The following ZSWIM5 variants were observed in gnomAD, a reference collection of about 807,000 sequenced individuals.
ZSWIM5 encodes zinc finger SWIM domain-containing protein 5.
ZSWIM5 carries 55 observed loss-of-function variants against 119.6 expected under a neutral mutation model. That is an observed-to-expected ratio of 0.46 (90% CI 0.37 to 0.58). The LOEUF (loss-of-function observed/expected upper bound fraction) is 0.58. ZSWIM5 is among the 20% of genes least tolerant of loss of function. ZSWIM5 has a pLI of 0.00. For missense variants in ZSWIM5, 1,193 were observed against 1,512.8 expected, an observed-to-expected ratio of 0.79 and a Z score of 3.51; for synonymous variants, 537 against 606.9, an observed-to-expected ratio of 0.88 and a Z score of 1.69.
intron 1 of ZSWIM5, among the ~76,000 whole-genome samples, chr1:45,141,525 T>C (rs1226762320): frequency 6.6e-6 from 1 of 152,148 alleles, no homozygotes; most frequent in African/African-American, 2.4e-5. Flanking sequence ...TTATAGGCCA[T>C]AGCAGCCAGG....
chr1:45,075,165 G>C (rs2149006294), intron 2 of ZSWIM5, among the ~76,000 whole-genome samples: 1 of 152,054 alleles, frequency 6.6e-6, no homozygotes, highest in Non-Finnish European at 1.5e-5. Context: ...ATGTGCTGAG[G>C]AAAAGAATGT....
At chr1:45,190,693 C>G (rs539057403) in intron 1 of ZSWIM5, among the ~76,000 whole-genome samples, 3 of 152,182 alleles carry the variant, frequency 2.0e-5, no homozygotes, top group South Asian at 2.1e-4. Context: ...GAGCTGCCCT[C>G]AACCAAAGTA....
chr1:45,018,894 T>C lies in ZSWIM5; in HGVS notation c.3118A>G (p.Asn1040Asp). Residue 1040 changes from asparagine (N) to aspartate (D), a missense_variant, in exon 14 of 14, where the codon AAT becomes GAT. Coordinates refer to ENST00000359600, the MANE Select transcript of ZSWIM5 (RefSeq NM_020883.2). The surrounding 1 kb of genome is among the most constrained non-coding windows in gnomAD (Gnocchi z 6.7). ...AYNQDTHPAI[N>D]DVLWACALSH... ...AGAGCACAAGCCCAGAGCACATCAT[T>C]GATGGCTGGGTGAGTATCCTGGTTG... 6.2e-7 allele frequency: 1 copy of C among 1,614,204 alleles called. No homozygotes were observed. The highest frequency in any genetic ancestry group is 1.7e-5 in the Admixed American group (1 of 60,024).
chr1:45,047,066 C>T (rs1645060482), intron 5 of ZSWIM5, among the ~76,000 whole-genome samples: 1 of 150,664 alleles, frequency 6.6e-6, no homozygotes, highest in Admixed American at 6.6e-5. Context: ...ATGACAGATC[C>T]CTGGGCACTA....
chr1:45,180,374 G>A (rs534720419), intron 1 of ZSWIM5, among the ~76,000 whole-genome samples: 7 of 152,184 alleles, frequency 4.6e-5, no homozygotes, highest in Non-Finnish European at 8.8e-5. Context: ...CAGCGAGGCT[G>A]GGGGAGGGGC....
intron 1 of ZSWIM5, among the ~76,000 whole-genome samples, chr1:45,177,787 C>G (rs1033335830): frequency 2.0e-5 from 3 of 152,032 alleles, no homozygotes; most frequent in African/African-American, 7.2e-5. Context: ...ATTTCCCAGT[C>G]TAATGCAAGC....
chr1:45,175,264 T>C (rs1176111425), intron 1 of ZSWIM5, among the ~76,000 whole-genome samples: 1 of 152,116 alleles, frequency 6.6e-6, no homozygotes, highest in Admixed American at 6.6e-5. Context: ...TTGTTTCCTA[T>C]CAAATGGCAC....
At position 45,018,818 on chromosome 1, in the gene ZSWIM5, A is replaced by G. The variant is rs1298393246; in HGVS notation, c.3194T>C (p.Val1065Ala). The change falls in exon 14 of 14, where the codon GTG becomes GCG. Residue 1065 changes from valine to alanine, a missense_variant. Val to Ala is a moderately conservative substitution (Grantham distance 64). Around this residue, in one of 2 missense-constraint regions of ZSWIM5, gnomAD observed 961 missense variants for 1,290.0 expected, o/e 0.74. Transcript: ENST00000359600. The surrounding 1 kb of genome is among the most constrained non-coding windows in gnomAD (Gnocchi z 6.7). ...NELAALIPLVVKSVHCATVLS... is the reference protein window; with the variant it reads ...NELAALIPLVAKSVHCATVLS... ...CACTGTGGCACAGTGCACACTCTTC[A>G]CCACCAGGGGGATGAGAGCTGCCAG... 1 of 1,614,068 alleles carries G rather than the reference A, an allele frequency of 6.2e-7. No individual in the cohort carries two copies. The highest frequency in any genetic ancestry group is 8.5e-7 in the Non-Finnish European group (1 of 1,180,026).
chr1:45,095,702 G>A (rs577652503), intron 1 of ZSWIM5, among the ~76,000 whole-genome samples: 1 of 152,294 alleles, frequency 6.6e-6, no homozygotes, highest in South Asian at 2.1e-4. Flanking sequence ...GGAATGACCA[G>A]TGGGTTTTGG....
At chr1:45,196,681 C>T (rs561044778) in intron 1 of ZSWIM5, among the ~76,000 whole-genome samples, 1 of 151,394 alleles carries the variant, frequency 6.6e-6, no homozygotes, top group African/African-American at 2.4e-5. Flanking sequence ...TGAGCCACCA[C>T]GCCCGGCTGA....
chr1:45,175,900 C>T (rs552948793), intron 1 of ZSWIM5, among the ~76,000 whole-genome samples: 3 of 151,886 alleles, frequency 2.0e-5, no homozygotes, highest in Non-Finnish European at 2.9e-5. Context: ...CTTTTGTATC[C>T]TTTTTGATGT....
chr1:45,180,100 G>C (rs567289721), intron 1 of ZSWIM5, among the ~76,000 whole-genome samples: 18 of 152,278 alleles, frequency 1.2e-4, no homozygotes, highest in African/African-American at 3.8e-4. Context: ...TGGGTGCAGC[G>C]CACTGTGCGC....
intron 2 of ZSWIM5, among the ~76,000 whole-genome samples, chr1:45,085,430 G>T (rs1182495886): frequency 6.6e-6 from 1 of 151,946 alleles, no homozygotes; most frequent in Non-Finnish European, 1.5e-5. Flanking sequence ...CTGAAACGGG[G>T]AATTGTTTTC....
chr1:45,085,277 T>C (rs1381337232), intron 2 of ZSWIM5, among the ~76,000 whole-genome samples: 2 of 152,204 alleles, frequency 1.3e-5, no homozygotes, highest in African/African-American at 2.4e-5. Context: ...GGGCCTGGCC[T>C]ATGAAACCAT....
chr1:45,023,458 C>CT lies in ZSWIM5; in HGVS notation c.2450-2671dup, dbSNP rs1223093437. Among the ~76,000 whole-genome samples, 507 of 136,506 alleles carry CT rather than the reference C, an allele frequency of 3.7e-3. 9 individuals carry two copies. The highest frequency in any genetic ancestry group is 0.011 in the African/African-American group (427 of 37,354). 89.6% of individuals were successfully genotyped at this position (136,506 alleles called of 152,430 possible). A position where few individuals can be genotyped will look rare whatever the true frequency, so the allele number is the denominator to read the frequency against. The stretch of plus-strand genomic sequence containing the variant: ...ATACGCATTTAAGTTTCCTCCATAT[C>CT]TTTTTTTTTTTCCCCTCAGAGTTTA... On this transcript the variant is annotated intron_variant, in intron 11 of 13. Transcript: ENST00000359600.
intron 2 of ZSWIM5, among the ~76,000 whole-genome samples, chr1:45,085,848 T>C (rs1308171361): frequency 6.6e-6 from 1 of 152,206 alleles, no homozygotes; most frequent in Non-Finnish European, 1.5e-5. Flanking sequence ...TCCTGTCTTC[T>C]TCTAAGCCCT....
chr1:45,106,178 T>TGGG (rs1183662132), intron 1 of ZSWIM5, among the ~76,000 whole-genome samples: 4 of 86,320 alleles, frequency 4.6e-5, no homozygotes, highest in East Asian at 3.8e-4. Flanking sequence ...GTCGGGGAAG[T>TGGG]GGGCGCCTCT....
chr1:45,117,318 G>C (rs1176482912), intron 1 of ZSWIM5, among the ~76,000 whole-genome samples: 3 of 152,170 alleles, frequency 2.0e-5, no homozygotes, highest in Non-Finnish European at 2.9e-5. Flanking sequence ...ATTCAGAATA[G>C]AGAAATCAAA....
intron 1 of ZSWIM5, among the ~76,000 whole-genome samples, chr1:45,143,028 A>G (rs1403067121): frequency 1.3e-5 from 2 of 150,010 alleles, no homozygotes; most frequent in East Asian, 3.9e-4. Context: ...AAAAAAAATT[A>G]GCTGGGTGTG....
Sources: gnomAD v4.1 joint callset for allele counts (sites outside exome capture counted in the v4.1 genomes callset) on GRCh38, gnomAD v4.1.1 for gene constraint, gnomAD v4.1.1 regional missense constraint, Gnocchi (gnomAD v3.1) non-coding constraint, MANE v1.5 for transcripts, NCBI Gene and HGNC (gene_info 2026-07-23, HGNC 2026-07-21) for gene names.